NLRP11: variants seen among roughly 807,000 people sequenced by gnomAD.
NLRP11 encodes NACHT, LRR and PYD domains-containing protein 11.
A neutral mutation model predicts 79.3 loss-of-function variants in NLRP11; 53 were observed. That is an observed-to-expected ratio of 0.67 (90% CI 0.54 to 0.84). The LOEUF is 0.84. Among genes scored for constraint, NLRP11 ranks in the 40% least tolerant of loss-of-function variants. NLRP11 has a pLI of 0.00. For synonymous variants in NLRP11, 518 were observed against 462.6 expected, an observed-to-expected ratio of 1.12 and a Z score of -1.54; for missense variants, 1,264 against 1,255.0, an observed-to-expected ratio of 1.01 and a Z score of -0.11.
intron 7 of NLRP11, among the ~76,000 whole-genome samples, chr19:55,790,224 A>G (rs1990153804): frequency 6.6e-6 from 1 of 152,176 alleles, no homozygotes; most frequent in Non-Finnish European, 1.5e-5. Context: ...AAGTTTCCAT[A>G]GCAGTTTTTA....
At chr19:55,786,659 G>C (rs1472201399) in intron 9 of NLRP11, among the ~76,000 whole-genome samples, 3 of 152,140 alleles carry the variant, frequency 2.0e-5, no homozygotes, top group Admixed American at 6.5e-5. Flanking sequence ...GTCCCAATTA[G>C]CATGTAGGCA....
At chr19:55,821,244 CACA>C (rs1472366704) in intron 1 of NLRP11, among the ~76,000 whole-genome samples, 104 of 122,948 alleles carry the variant, frequency 8.5e-4, no homozygotes, top group African/African-American at 3.0e-3. Context: ...CACACACACA[CACA>C]CACCCCAAGC....
rs183027417 is a variant in NLRP11, at chr19:55,830,955, T to G, written c.-63+1008A>C. On this transcript the variant is annotated intron_variant, in intron 1 of 9. Coordinates refer to ENST00000589093, the Ensembl canonical transcript of NLRP11. Reference sequence around the variant, plus strand: ...CCTGGGGAGTTATCAAAAACCCCAGTGTCCCGAAATACAGACACTGATTAG... The same window carrying G: ...CCTGGGGAGTTATCAAAAACCCCAGGGTCCCGAAATACAGACACTGATTAG... Among the ~76,000 whole-genome samples, 376 of 152,270 alleles carry G rather than the reference T, an allele frequency of 2.5e-3. 1 individual carries two copies. Among genetic ancestry groups the G allele is most frequent in the African/African-American group, 8.7e-3 (361 of 41,568 alleles).
intron 7 of NLRP11, among the ~76,000 whole-genome samples, chr19:55,790,477 T>C (rs1208769087): frequency 3.9e-5 from 6 of 152,198 alleles, no homozygotes; most frequent in Non-Finnish European, 7.3e-5. Context: ...TACATAAGTT[T>C]CTTATGTTTT....
exon 5 of NLRP11, chr19:55,801,681 T>A: frequency 6.2e-7 from 1 of 1,614,122 alleles, no homozygotes; most frequent in Non-Finnish European, 8.5e-7. Context: ...AGGCTCCGAT[T>A]ACGAGCCAAA....
At chr19:55,793,430 T>C (rs1309952540) in intron 6 of NLRP11, among the ~76,000 whole-genome samples, 2 of 151,088 alleles carry the variant, frequency 1.3e-5, no homozygotes, top group Non-Finnish European at 3.0e-5. Context: ...TTAGCCGGCA[T>C]AGTGGTGTGC....
chr19:55,827,918 A>G (rs1982386646), intron 1 of NLRP11, among the ~76,000 whole-genome samples: 1 of 152,016 alleles, frequency 6.6e-6, no homozygotes, highest in South Asian at 2.1e-4. Context: ...ATTACTGGGT[A>G]TATACCCAAA....
intron 5 of NLRP11, 49 bp downstream of exon 5, chr19:55,801,523 C>A: frequency 6.6e-7 from 1 of 1,523,378 alleles, no homozygotes; most frequent in South Asian, 1.1e-5. Flanking sequence ...CACCAACACC[C>A]AGGCATTCCC....
At chr19:55,788,363 C>CTTTT (rs74179639) in intron 9 of NLRP11, among the ~76,000 whole-genome samples, 14 of 140,724 alleles carry the variant, frequency 9.9e-5, no homozygotes, top group Non-Finnish European at 9.3e-5. Flanking sequence ...AGAGGAAAGA[C>CTTTT]TTTTTTTTTT....
At chr19:55,800,376 C>G (rs966674016) in intron 5 of NLRP11, among the ~76,000 whole-genome samples, 1 of 152,204 alleles carries the variant, frequency 6.6e-6, no homozygotes. Context: ...GGCGCCATCT[C>G]AGCTCACTGC....
chr19:55,800,250 G>A (rs528880453), intron 5 of NLRP11, among the ~76,000 whole-genome samples: 52 of 152,286 alleles, frequency 3.4e-4, no homozygotes, highest in African/African-American at 1.3e-3. Context: ...AGCGTGGCTA[G>A]CATGACTGAG....
Position 55,820,841 on chromosome 19 carries a change from A to G in NLRP11, c.-62-2605T>C, listed in dbSNP as rs906339155. Among the ~76,000 whole-genome samples the G allele has an allele frequency of 2.6e-5, 4 of 152,204 alleles. No individual in the cohort carries two copies. The East Asian group carries it at 5.8e-4, about 22-fold the overall frequency. The stretch of plus-strand genomic sequence containing the variant: ...GGGACTGGTACCCTGACATATGTAC[A>G]TACAGGTGTCGTGTTGGCTGAAGCC... On this transcript the variant is annotated intron_variant, in intron 1 of 9. Transcript: ENST00000589093.
At chr19:55,789,143 A>G in intron 8 of NLRP11, 86 bp downstream of exon 8, 1 of 1,433,130 alleles carries the variant, frequency 7.0e-7, no homozygotes, top group Non-Finnish European at 9.6e-7. Context: ...TGTCCGAGGT[A>G]TTGTATTTCC....
intron 6 of NLRP11, among the ~76,000 whole-genome samples, chr19:55,794,576 C>A (rs1014725253): frequency 6.6e-6 from 1 of 151,992 alleles, no homozygotes; most frequent in Non-Finnish European, 1.5e-5. Context: ...CTGGCTGACA[C>A]GGTGAAACCC....
chr19:55,814,916 G>T (rs988257721), intron 2 of NLRP11, among the ~76,000 whole-genome samples: 26 of 152,214 alleles, frequency 1.7e-4, no homozygotes, highest in African/African-American at 6.3e-4. Flanking sequence ...GGGAGATGGT[G>T]AGTGAGCAAG....
intron 5 of NLRP11, among the ~76,000 whole-genome samples, chr19:55,797,996 A>ATT (rs1160488515): frequency 1.0e-4 from 3 of 29,998 alleles, no homozygotes; most frequent in African/African-American, 2.7e-4. Flanking sequence ...CTATATTATT[A>ATT]TTATTTTTTT....
At chr19:55,813,153 C>A (rs1423677705) in intron 2 of NLRP11, among the ~76,000 whole-genome samples, 1 of 152,114 alleles carries the variant, frequency 6.6e-6, no homozygotes, top group Non-Finnish European at 1.5e-5. Flanking sequence ...CATGCTGAAA[C>A]CCCATCTCTA....
intron 1 of NLRP11, among the ~76,000 whole-genome samples, chr19:55,820,497 C>T (rs767939763): frequency 1.1e-4 from 16 of 152,066 alleles, no homozygotes; most frequent in Non-Finnish European, 1.5e-4. Context: ...TTACTCTGCT[C>T]AGTATCGGGT....
chr19:55,798,000 T>TA (rs1555801959), intron 5 of NLRP11, among the ~76,000 whole-genome samples: 9 of 120,782 alleles, frequency 7.5e-5, no homozygotes, highest in African/African-American at 3.3e-4. Context: ...ATTATTATTA[T>TA]TTTTTTTTTT....
Sources: allele counts gnomAD v4.1 joint callset (sites outside exome capture counted in the v4.1 genomes callset), GRCh38; gene constraint gnomAD v4.1.1; transcripts MANE v1.5; gene names NCBI Gene and HGNC (gene_info 2026-07-23, HGNC 2026-07-21).